DNAH14: variants seen among roughly 807,000 people sequenced by gnomAD.
The protein encoded by DNAH14 is dynein axonemal heavy chain 14.
DNAH14 carries 478 observed loss-of-function variants against 520.9 expected under a neutral mutation model. The observed-to-expected ratio is 0.92, with a 90% confidence interval of 0.85 to 0.99. DNAH14 has a LOEUF of 0.99. Ranked by LOEUF, DNAH14 falls within the 50% of genes least tolerant of loss-of-function variation. The pLI is 0.00. For synonymous variants in DNAH14, 1,581 were observed against 1,757.2 expected, an observed-to-expected ratio of 0.90 and a Z score of 2.51; for missense variants, 4,831 against 5,234.5, an observed-to-expected ratio of 0.92 and a Z score of 2.38.
At chr1:225,349,708 A>C (rs751403439) in intron 71 of DNAH14, among the ~76,000 whole-genome samples, 5 of 152,204 alleles carry the variant, frequency 3.3e-5, no homozygotes, top group Non-Finnish European at 7.4e-5. Flanking sequence ...ACAAAGACAG[A>C]CATGAGATAA....
chr1:224,974,663 A>AGAACACTG (rs2061696975), intron 8 of DNAH14, among the ~76,000 whole-genome samples: 1 of 152,220 alleles, frequency 6.6e-6, no homozygotes, highest in Non-Finnish European at 1.5e-5. Flanking sequence ...ATCAAGATAT[A>AGAACACTG]GAACACTGCT....
At chr1:225,343,559 T>C (rs973956660) in intron 69 of DNAH14, among the ~76,000 whole-genome samples, 2 of 152,020 alleles carry the variant, frequency 1.3e-5, no homozygotes, top group African/African-American at 2.4e-5. Flanking sequence ...TTTGCAACCA[T>C]GTTTACAAAA....
intron 11 of DNAH14, among the ~76,000 whole-genome samples, chr1:225,031,232 T>A (rs2066499351): frequency 6.6e-6 from 1 of 152,118 alleles, no homozygotes; most frequent in East Asian, 1.9e-4. Flanking sequence ...GTAACCTTAC[T>A]AAGCTCACTT....
chr1:224,931,988 T>A (rs1021967872), intron 1 of DNAH14, among the ~76,000 whole-genome samples: 2 of 152,222 alleles, frequency 1.3e-5, no homozygotes, highest in African/African-American at 4.8e-5. Flanking sequence ...AATTGCTGAA[T>A]TGAATGGTAA....
chr1:224,929,688 G>C lies in DNAH14; in HGVS notation c.-181G>C. On this transcript the variant is annotated 5_prime_UTR_variant, in exon 1 of 86. Transcript: ENST00000682510. Reference sequence around the variant, plus strand: ...GCGTGGCTCTTGGTCAGGCGGTTACGGCCAGGAGGCGTCGGAGCCTGGCGT... The same window carrying C: ...GCGTGGCTCTTGGTCAGGCGGTTACCGCCAGGAGGCGTCGGAGCCTGGCGT... 1 of 702,448 alleles carries C rather than the reference G, an allele frequency of 1.4e-6. No individual in the cohort carries two copies. The highest frequency in any genetic ancestry group is 1.5e-5 in the South Asian group (1 of 67,598). The allele number at this position is 702,448 out of a possible 1,614,324, so 43.5% of individuals were successfully genotyped here.
chr1:225,068,898 C>T (rs200780132), intron 17 of DNAH14, among the ~76,000 whole-genome samples: 1,420 of 18,532 alleles, frequency 0.077, 679 homozygotes, highest in African/African-American at 0.22. Context: ...CCGGCTAAAA[C>T]GGTGAAACCC....
chr1:225,368,614 T>C (rs1283410106), intron 77 of DNAH14, among the ~76,000 whole-genome samples: 1 of 152,202 alleles, frequency 6.6e-6, no homozygotes, highest in Non-Finnish European at 1.5e-5. Flanking sequence ...GCTTAAGTTT[T>C]TCCCGGGTTA....
chr1:225,024,324 G>A (rs1011878009), intron 11 of DNAH14: 9 of 917,186 alleles, frequency 9.8e-6, no homozygotes, highest in Non-Finnish European at 1.2e-5. Context: ...AATATCTGTT[G>A]AATATTTTCC....
At chr1:225,334,955 TCAAG>T (rs1236347674) in intron 66 of DNAH14, among the ~76,000 whole-genome samples, 1 of 148,592 alleles carries the variant, frequency 6.7e-6, no homozygotes. Flanking sequence ...TGTAGAGACC[TCAAG>T]CAATCCTCAA....
At chr1:225,170,571 A>G (rs879200869) in intron 36 of DNAH14, among the ~76,000 whole-genome samples, 4 of 152,318 alleles carry the variant, frequency 2.6e-5, no homozygotes, top group African/African-American at 9.6e-5. Flanking sequence ...AGACCTAACT[A>G]TCCTAAATAT....
chr1:225,376,424 C>G (rs1482380883), intron 78 of DNAH14, among the ~76,000 whole-genome samples: 1 of 151,678 alleles, frequency 6.6e-6, no homozygotes, highest in Non-Finnish European at 1.5e-5. Context: ...AAGACTCCAT[C>G]TCAAAAAAGA....
At chr1:225,109,384 A>G (rs938160852) in intron 23 of DNAH14, among the ~76,000 whole-genome samples, 2 of 152,016 alleles carry the variant, frequency 1.3e-5, no homozygotes, top group Admixed American at 6.6e-5. Flanking sequence ...GTCCTCATCA[A>G]TTTCTTGCAT....
intron 73 of DNAH14, chr1:225,357,850 C>T (rs2095448111): frequency 1.4e-6 from 1 of 701,664 alleles, no homozygotes; most frequent in African/African-American, 1.7e-5. Flanking sequence ...ATTTTATGGT[C>T]ATTGTGTAGA....
At chr1:225,092,895 C>T (rs1165203895) in intron 21 of DNAH14, among the ~76,000 whole-genome samples, 5 of 152,218 alleles carry the variant, frequency 3.3e-5, no homozygotes, top group Non-Finnish European at 5.9e-5. Context: ...CTATGAACAC[C>T]GCTATGCACA....
intron 15 of DNAH14, 90 bp from the exon 16 acceptor site, chr1:225,050,120 T>C: frequency 4.4e-6 from 5 of 1,125,938 alleles, no homozygotes; most frequent in Non-Finnish European, 4.8e-6. Context: ...TCAGCCCCCA[T>C]TTTCAATAGT....
intron 41 of DNAH14, among the ~76,000 whole-genome samples, chr1:225,215,212 G>A (rs1277434330): frequency 6.6e-6 from 1 of 152,150 alleles, no homozygotes; most frequent in Non-Finnish European, 1.5e-5. Context: ...ATGTAGTTGA[G>A]CAGTTTTAGT....
chr1:225,013,150 A>G (rs1348988595), intron 10 of DNAH14, among the ~76,000 whole-genome samples: 3 of 150,292 alleles, frequency 2.0e-5, no homozygotes, highest in South Asian at 4.2e-4. Context: ...GAGTTTTTGC[A>G]TGGTCATTTT....
At chr1:225,081,353 T>A (rs3128653) in intron 19 of DNAH14, among the ~76,000 whole-genome samples, 2 of 151,796 alleles carry the variant, frequency 1.3e-5, no homozygotes, top group Non-Finnish European at 2.9e-5. Flanking sequence ...TTTATTTCAC[T>A]TGTTTTAAAA....
chr1:225,113,911 A>G (rs1231084616), intron 23 of DNAH14, among the ~76,000 whole-genome samples: 1 of 152,180 alleles, frequency 6.6e-6, no homozygotes, highest in Non-Finnish European at 1.5e-5. Context: ...AGGTGCAGAA[A>G]TGCCATCCAA....
Sources: allele counts gnomAD v4.1 joint callset (sites outside exome capture counted in the v4.1 genomes callset), GRCh38; gene constraint gnomAD v4.1.1; transcripts MANE v1.5; gene names NCBI Gene and HGNC (gene_info 2026-07-23, HGNC 2026-07-21).